Variants in HS6ST3 observed in about 807,000 individuals in gnomAD.
HS6ST3 encodes heparan-sulfate 6-O-sulfotransferase 3.
HS6ST3 carries 12 observed loss-of-function variants against 36.7 expected under a neutral mutation model. The observed-to-expected ratio is 0.33, with a 90% CI of 0.21 to 0.53. HS6ST3 has a LOEUF of 0.53. Among genes scored for constraint, HS6ST3 ranks in the 20% least tolerant of loss-of-function variants. HS6ST3 has a pLI of 0.95. For missense variants in HS6ST3, 584 were observed against 640.9 expected (o/e 0.91, Z 0.96); for synonymous variants, 240 against 257.5 (o/e 0.93, Z 0.65).
chr13:96,276,052 A>ACCATTCCCATCATGCCTTG (rs2054746994), intron 1 of HS6ST3, among the ~76,000 whole-genome samples: 1 of 151,740 alleles, frequency 6.6e-6, no homozygotes, highest in Admixed American at 6.6e-5. Flanking sequence ...CATATGCCTT[A>ACCATTCCCATCATGCCTTG]CCATTCCCAT....
intron 1 of HS6ST3, among the ~76,000 whole-genome samples, chr13:96,134,584 C>A (rs1365369505): frequency 6.6e-6 from 1 of 152,030 alleles, no homozygotes; most frequent in African/African-American, 2.4e-5. Context: ...AAAACCCTTT[C>A]ATGTTTATTT....
In HS6ST3 at chr13:96,156,597, A is replaced by ATT. The variant is rs1435394733; in HGVS notation, c.707+65028_707+65029insTT. ...GGCAGTGTCGGCCACCATGACAGTC[A>ATT]AAGGATGCAGCAGGATTAGTTTTGA... On this transcript the variant is annotated intron_variant, in intron 1 of 1. Transcript: ENST00000376705. 4.6e-5 allele frequency among the ~76,000 whole-genome samples: 7 copies of ATT among 152,284 alleles called. No homozygotes were observed. The East Asian group carries it at 1.3e-3, about 29-fold the overall frequency.
intron 1 of HS6ST3, among the ~76,000 whole-genome samples, chr13:96,831,943 A>T (rs1878794395): frequency 8.1e-6 from 1 of 122,992 alleles, no homozygotes; most frequent in Non-Finnish European, 1.7e-5. Context: ...TGACAGAGCA[A>T]GACTCCCTCT....
At chr13:96,269,396 A>T (rs769592119) in intron 1 of HS6ST3, among the ~76,000 whole-genome samples, 1 of 152,032 alleles carries the variant, frequency 6.6e-6, no homozygotes, top group Non-Finnish European at 1.5e-5. Flanking sequence ...TGAAAAATGC[A>T]TGGTGTTTAT....
chr13:96,194,843 A>G (rs887809515), intron 1 of HS6ST3, among the ~76,000 whole-genome samples: 3 of 151,310 alleles, frequency 2.0e-5, no homozygotes, highest in East Asian at 2.0e-4. Flanking sequence ...TTAGACTCAC[A>G]TTGTTATGTT....
At chr13:96,722,908 T>A (rs184332070) in intron 1 of HS6ST3, among the ~76,000 whole-genome samples, 149 of 151,810 alleles carry the variant, frequency 9.8e-4, no homozygotes, top group African/African-American at 3.4e-3. Context: ...GCCCGAGAGG[T>A]TGAGGCTGCA....
At chr13:96,159,565 A>G (rs994555912) in intron 1 of HS6ST3, among the ~76,000 whole-genome samples, 2 of 152,234 alleles carry the variant, frequency 1.3e-5, no homozygotes, top group African/African-American at 4.8e-5. Context: ...CTGGGGAAGT[A>G]CTTGAAATGA....
chr13:96,608,310 A>T (rs1175489418), intron 1 of HS6ST3, among the ~76,000 whole-genome samples: 1 of 152,238 alleles, frequency 6.6e-6, no homozygotes, highest in Admixed American at 6.5e-5. Flanking sequence ...ATGAAAAATG[A>T]ATGATAGAAT....
At chr13:96,452,457 T>G (rs2055732923) in intron 1 of HS6ST3, among the ~76,000 whole-genome samples, 1 of 152,216 alleles carries the variant, frequency 6.6e-6, no homozygotes, top group Non-Finnish European at 1.5e-5. Context: ...GGAGGCAGAC[T>G]GCAAATTAAA....
At chr13:96,822,535 G>A (rs990014178) in intron 1 of HS6ST3, among the ~76,000 whole-genome samples, 1 of 152,164 alleles carries the variant, frequency 6.6e-6, no homozygotes, top group African/African-American at 2.4e-5. Flanking sequence ...TAGTGAGTTC[G>A]ATGCTCACAG....
At position 96,835,732 on chromosome 13, in the gene HS6ST3, C is replaced by T. The variant is rs1318525419; in HGVS notation, c.*2534C>T. 8 of 152,144 alleles carry T rather than the reference C, an allele frequency of 5.3e-5. No homozygotes were observed. Among genetic ancestry groups the T allele is most frequent in the Admixed American group, 5.2e-4 (8 of 15,270 alleles). 9.4% of individuals were successfully genotyped at this position (152,144 alleles called of 1,614,324 possible). A position where few individuals can be genotyped will look rare whatever the true frequency, so the allele number is the denominator to read the frequency against. On this transcript the variant is annotated 3_prime_UTR_variant, in exon 2 of 2. Coordinates refer to ENST00000376705, the MANE Select transcript of HS6ST3 (RefSeq NM_153456.4). ...CACTTTAAAATTTTGGCAAGGAATT[C>T]ATGCATAACTGAGACTTGGAGGCAG... is the stretch of plus-strand genomic sequence containing the variant.
chr13:96,139,656 A>G (rs1253348662), intron 1 of HS6ST3, among the ~76,000 whole-genome samples: 7 of 151,646 alleles, frequency 4.6e-5, no homozygotes, highest in African/African-American at 1.2e-4. Flanking sequence ...TCATGAAGAG[A>G]TGAAGAGTAA....
intron 1 of HS6ST3, among the ~76,000 whole-genome samples, chr13:96,331,526 C>T (rs951058937): frequency 1.6e-4 from 25 of 152,150 alleles, no homozygotes; most frequent in African/African-American, 3.4e-4. Flanking sequence ...CTTGAGGAGG[C>T]AGTCTGCCCG....
chr13:96,570,641 A>G (rs1317897170), intron 1 of HS6ST3, among the ~76,000 whole-genome samples: 1 of 152,232 alleles, frequency 6.6e-6, no homozygotes, highest in Non-Finnish European at 1.5e-5. Flanking sequence ...AAGCATTTAT[A>G]GAACACCTAC....
chr13:96,629,800 C>T (rs896150071), intron 1 of HS6ST3, among the ~76,000 whole-genome samples: 11 of 151,808 alleles, frequency 7.2e-5, no homozygotes, highest in Admixed American at 2.0e-4. Context: ...AAACATTTTT[C>T]AATGATTTGC....
At chr13:96,511,514 G>T (rs536187879) in intron 1 of HS6ST3, among the ~76,000 whole-genome samples, 22 of 151,802 alleles carry the variant, frequency 1.4e-4, no homozygotes, top group Non-Finnish European at 3.1e-4. Flanking sequence ...GAGCTTGCTA[G>T]CTTTTGAGTT....
intron 1 of HS6ST3, among the ~76,000 whole-genome samples, chr13:96,230,422 G>C (rs965873119): frequency 6.6e-6 from 1 of 152,116 alleles, no homozygotes; most frequent in Admixed American, 6.5e-5. Context: ...AAGGTAAATT[G>C]AGTGTTTGGA....
intron 1 of HS6ST3, among the ~76,000 whole-genome samples, chr13:96,386,883 A>C (rs1424586733): frequency 3.3e-5 from 5 of 152,138 alleles, no homozygotes; most frequent in African/African-American, 1.2e-4. Context: ...ATAATTGCAC[A>C]TTATTAACTA....
At chr13:96,281,983 A>G (rs1442840386) in intron 1 of HS6ST3, among the ~76,000 whole-genome samples, 1 of 152,192 alleles carries the variant, frequency 6.6e-6, no homozygotes, top group Non-Finnish European at 1.5e-5. Context: ...ATACTTATGT[A>G]AAGTTCTGTA....
Sources: allele counts gnomAD v4.1 joint callset (sites outside exome capture counted in the v4.1 genomes callset), GRCh38; gene constraint gnomAD v4.1.1; transcripts MANE v1.5; gene names NCBI Gene and HGNC (gene_info 2026-07-23, HGNC 2026-07-21).